SLC2A13: variants seen among roughly 807,000 people sequenced by gnomAD.
The protein encoded by SLC2A13 is solute carrier family 2 member 13.
In SLC2A13, 32 loss-of-function variants were observed where a neutral mutation model predicts 64.4. The observed-to-expected ratio is 0.50, with a 90% CI of 0.37 to 0.67. The LOEUF (loss-of-function observed/expected upper bound fraction) is 0.67. Among genes scored for constraint, SLC2A13 ranks in the 30% least tolerant of loss-of-function variants. The pLI, the probability that SLC2A13 is intolerant of heterozygous loss-of-function variation, is 0.00. For missense variants in SLC2A13, 743 were observed against 829.2 expected (o/e 0.90, Z 1.28); for synonymous variants, 338 against 327.1 (o/e 1.03, Z -0.36).
intron 3 of SLC2A13, among the ~76,000 whole-genome samples, chr12:40,000,724 T>A (rs1947309106): frequency 6.6e-6 from 1 of 152,218 alleles, no homozygotes. Flanking sequence ...CCTCTTCTTA[T>A]AAGAATCGCA....
Position 39,923,834 on chromosome 12 carries a change from C to T in SLC2A13, c.1034+27423G>A, listed in dbSNP as rs1316852333. On this transcript the variant is annotated intron_variant, in intron 4 of 9. Coordinates refer to ENST00000280871, the MANE Select transcript of SLC2A13 (RefSeq NM_052885.4). Reference sequence around the variant, plus strand: ...CGCACCTCAACACCTATTCTGCCTCCCTCGGAGCACATTATGTGGTAAAAT... The same window carrying T: ...CGCACCTCAACACCTATTCTGCCTCTCTCGGAGCACATTATGTGGTAAAAT... Among the ~76,000 whole-genome samples, 11 of 151,938 alleles carry T rather than the reference C, an allele frequency of 7.2e-5. No homozygotes were observed. In the East Asian group the frequency reaches 2.1e-3, roughly 29 times the overall value.
chr12:40,048,186 A>G lies in SLC2A13; in HGVS notation c.581T>C (p.Val194Ala). 1.9e-6 allele frequency: 3 copies of G among 1,609,080 alleles called. No homozygotes were observed. Among genetic ancestry groups the G allele is most frequent in the South Asian group, 1.1e-5 (1 of 89,684 alleles). The change falls in exon 2 of 10, where the codon GTG (valine) becomes GCG (alanine). Residue 194 changes from valine (V) to alanine (A), a missense_variant. Val to Ala is a moderately conservative substitution (Grantham distance 64). Coordinates refer to ENST00000280871, the MANE Select transcript of SLC2A13 (RefSeq NM_052885.4). ...GIGIASMTVP[V>A]YIAEVSPPNL... ...GGGTGGTGAGACCTCCGCAATGTAC[A>G]CTGGCACTGTCATAGAAGCAATGCC...
chr12:40,068,345 GC>G, intron 1 of SLC2A13: 1 of 394,540 alleles, frequency 2.5e-6, no homozygotes, highest in Admixed American at 2.9e-5. Flanking sequence ...CACATGCTGT[GC>G]CCAGTCCAGT....
At chr12:39,993,496 G>A (rs28370749) in intron 3 of SLC2A13, among the ~76,000 whole-genome samples, 3,534 of 152,312 alleles carry the variant, frequency 0.023, 146 homozygotes, top group African/African-American at 0.08. Flanking sequence ...GCTAGGAAAC[G>A]TGAAAGACAG....
intron 5 of SLC2A13, among the ~76,000 whole-genome samples, chr12:39,865,896 AG>A (rs1242714100): frequency 1.3e-5 from 2 of 152,156 alleles, no homozygotes; most frequent in African/African-American, 2.4e-5. Flanking sequence ...GGTGGGAGAA[AG>A]GAGAAGATGA....
chr12:39,991,707 C>T (rs964498410), intron 3 of SLC2A13, among the ~76,000 whole-genome samples: 3 of 152,112 alleles, frequency 2.0e-5, no homozygotes, highest in Non-Finnish European at 2.9e-5. Flanking sequence ...TCCCACTCAC[C>T]ATCCTATTAT....
At chr12:39,835,738 A>T (rs1253521306) in intron 6 of SLC2A13, 2 of 152,126 alleles carry the variant, frequency 1.3e-5, no homozygotes, top group African/African-American at 4.8e-5. Flanking sequence ...ACCAATATAT[A>T]TTTATTGAAT....
intron 4 of SLC2A13, among the ~76,000 whole-genome samples, chr12:39,875,802 A>G (rs755289536): frequency 1.3e-5 from 2 of 152,218 alleles, no homozygotes; most frequent in Non-Finnish European, 2.9e-5. Context: ...TACAAAGTAC[A>G]TTCCAATGTT....
chr12:39,916,421 T>C (rs1225755519), intron 4 of SLC2A13, among the ~76,000 whole-genome samples: 2 of 152,078 alleles, frequency 1.3e-5, no homozygotes, highest in South Asian at 4.1e-4. Context: ...TCAAAACTAA[T>C]TTCCTTCTAC....
At chr12:40,031,222 A>G (rs117295538) in intron 2 of SLC2A13, among the ~76,000 whole-genome samples, 1 of 151,828 alleles carries the variant, frequency 6.6e-6, no homozygotes, top group African/African-American at 2.4e-5. Flanking sequence ...ACACCATTTT[A>G]TTTATTTATT....
At chr12:39,806,033 C>T (rs1268660306) in intron 7 of SLC2A13, among the ~76,000 whole-genome samples, 1 of 152,110 alleles carries the variant, frequency 6.6e-6, no homozygotes, top group Non-Finnish European at 1.5e-5. Context: ...TGATTGCTAC[C>T]AGAAAAAGCT....
chr12:40,078,223 G>C (rs906387036), intron 1 of SLC2A13, among the ~76,000 whole-genome samples: 2 of 152,116 alleles, frequency 1.3e-5, no homozygotes, highest in Non-Finnish European at 2.9e-5. Flanking sequence ...TCCTTGTCTT[G>C]TTCTGGTTCT....
intron 2 of SLC2A13, among the ~76,000 whole-genome samples, chr12:40,047,055 C>T (rs1948182363): frequency 6.6e-6 from 1 of 152,058 alleles, no homozygotes; most frequent in African/African-American, 2.4e-5. Flanking sequence ...GTGTGTGCCA[C>T]CACACCTGGC....
chr12:39,774,897 A>G (rs1940720470), intron 7 of SLC2A13, among the ~76,000 whole-genome samples: 1 of 152,218 alleles, frequency 6.6e-6, no homozygotes, highest in Admixed American at 6.5e-5. Flanking sequence ...AAATTAAAAC[A>G]ATGATAACAT....
chr12:39,854,389 AT>A (rs1943549872), intron 6 of SLC2A13, among the ~76,000 whole-genome samples: 1 of 152,220 alleles, frequency 6.6e-6, no homozygotes. Context: ...CCTGCTTAGA[AT>A]TATGCCCCCT....
intron 2 of SLC2A13, among the ~76,000 whole-genome samples, chr12:40,046,668 T>G (rs1444717694): frequency 6.6e-6 from 1 of 151,922 alleles, no homozygotes; most frequent in Non-Finnish European, 1.5e-5. Context: ...AACTTCCTGC[T>G]TCAGTTTAGC....
chr12:40,052,908 G>T (rs544813775), intron 1 of SLC2A13, among the ~76,000 whole-genome samples: 1 of 152,050 alleles, frequency 6.6e-6, no homozygotes, highest in South Asian at 2.1e-4. Flanking sequence ...GGTTCATGAC[G>T]AGCAAATATC....
chr12:39,988,151 A>C (rs1404486142), intron 3 of SLC2A13, among the ~76,000 whole-genome samples: 2 of 152,172 alleles, frequency 1.3e-5, no homozygotes, highest in Non-Finnish European at 2.9e-5. Flanking sequence ...ATAGATTCCC[A>C]GATGCAAAAA....
At chr12:39,964,627 A>G (rs1233026238) in intron 3 of SLC2A13, among the ~76,000 whole-genome samples, 1 of 152,198 alleles carries the variant, frequency 6.6e-6, no homozygotes, top group Non-Finnish European at 1.5e-5. Flanking sequence ...GACAGAGCCT[A>G]CAAGGAAGAT....
Sources: gnomAD v4.1 joint callset for allele counts (sites outside exome capture counted in the v4.1 genomes callset) on GRCh38, gnomAD v4.1.1 for gene constraint, MANE v1.5 for transcripts, NCBI Gene and HGNC (gene_info 2026-07-23, HGNC 2026-07-21) for gene names.